ITGB3BP: variants seen among roughly 807,000 people sequenced by gnomAD.
ITGB3BP encodes the protein integrin subunit beta 3 binding protein.
In ITGB3BP, 27 loss-of-function variants were observed where a neutral mutation model predicts 29.1. That is an observed-to-expected ratio of 0.93 (90% confidence interval 0.68 to 1.28). The LOEUF (loss-of-function observed/expected upper bound fraction) is 1.28. Among genes scored for constraint, ITGB3BP ranks in the 50% most tolerant of loss-of-function variants. The pLI is 0.00. For synonymous variants in ITGB3BP, 61 were observed against 61.4 expected, an observed-to-expected ratio of 0.99 and a Z score of 0.03; for missense variants, 192 against 200.2, an observed-to-expected ratio of 0.96 and a Z score of 0.25.
At chr1:63,460,618 T>C (rs75618265) in intron 4 of ITGB3BP, among the ~76,000 whole-genome samples, 1,875 of 152,314 alleles carry the variant, frequency 0.012, 45 homozygotes, top group African/African-American at 0.043. Flanking sequence ...GGTATATAAA[T>C]ATCTGAGTCA....
At chr1:63,514,473 T>C (rs1478326371) in intron 1 of ITGB3BP, among the ~76,000 whole-genome samples, 3 of 152,182 alleles carry the variant, frequency 2.0e-5, no homozygotes, top group African/African-American at 7.2e-5. Flanking sequence ...TCTAGCAACA[T>C]GTTATGGTTC....
intron 4 of ITGB3BP, among the ~76,000 whole-genome samples, chr1:63,458,643 A>T (rs1644969218): frequency 6.6e-6 from 1 of 152,226 alleles, no homozygotes; most frequent in Non-Finnish European, 1.5e-5. Flanking sequence ...GCCTGAAAAA[A>T]TTTTTGATTT....
At chr1:63,464,394 G>A (rs543634328) in intron 4 of ITGB3BP, among the ~76,000 whole-genome samples, 1 of 152,294 alleles carries the variant, frequency 6.6e-6, no homozygotes, top group East Asian at 1.9e-4. Flanking sequence ...AAGCAAATGT[G>A]CAAATTTATT....
chr1:63,515,766 C>A (rs1646302704), intron 1 of ITGB3BP, among the ~76,000 whole-genome samples: 1 of 127,976 alleles, frequency 7.8e-6, no homozygotes. Flanking sequence ...GCGGAGGTTG[C>A]AGTGAGCCAA....
chr1:63,476,542 C>G (rs1232620889), intron 4 of ITGB3BP, among the ~76,000 whole-genome samples: 1 of 152,140 alleles, frequency 6.6e-6, no homozygotes, highest in African/African-American at 2.4e-5. Flanking sequence ...AACAATGATT[C>G]TTGCTCTTCC....
At chr1:63,493,425 C>A (rs1407404281) in intron 2 of ITGB3BP, among the ~76,000 whole-genome samples, 1 of 147,424 alleles carries the variant, frequency 6.8e-6, no homozygotes, top group Non-Finnish European at 1.5e-5. Context: ...AAAAAACAAA[C>A]AAACAAACAA....
intron 1 of ITGB3BP, among the ~76,000 whole-genome samples, 199 bp from the exon 2 acceptor site, chr1:63,508,769 G>C (rs1432747275): frequency 6.6e-6 from 1 of 151,660 alleles, no homozygotes; most frequent in African/African-American, 2.4e-5. Context: ...TCTCTAAATG[G>C]GATCATAATT....
At chr1:63,520,064 A>C (rs1303548926) in intron 1 of ITGB3BP, among the ~76,000 whole-genome samples, 2 of 152,158 alleles carry the variant, frequency 1.3e-5, no homozygotes, top group African/African-American at 4.8e-5. Flanking sequence ...GCAAGACTAA[A>C]CAAATGGTAC....
intron 2 of ITGB3BP, among the ~76,000 whole-genome samples, chr1:63,496,845 G>A (rs1162354218): frequency 6.6e-6 from 1 of 152,206 alleles, no homozygotes; most frequent in Non-Finnish European, 1.5e-5. Context: ...GAATAGGAAG[G>A]TGGTGCTGAA....
intron 2 of ITGB3BP, among the ~76,000 whole-genome samples, chr1:63,507,485 T>C (rs1183049374): frequency 6.6e-6 from 1 of 152,048 alleles, no homozygotes; most frequent in Non-Finnish European, 1.5e-5. Flanking sequence ...AGCTTTGGGG[T>C]AGGAAAGAAC....
At chr1:63,516,368 G>GC (rs1646326085) in intron 1 of ITGB3BP, among the ~76,000 whole-genome samples, 9 of 59,494 alleles carry the variant, frequency 1.5e-4, no homozygotes, top group Non-Finnish European at 3.3e-4. Context: ...GGGGGAGAAG[G>GC]GGGGGGGAAG....
At chr1:63,520,915 T>C (rs1417915426) in intron 1 of ITGB3BP, among the ~76,000 whole-genome samples, 1 of 152,230 alleles carries the variant, frequency 6.6e-6, no homozygotes. Context: ...ATAACAAATG[T>C]AGTCTCATAC....
intron 4 of ITGB3BP, chr1:63,457,062 C>T (rs1412389095): frequency 1.3e-5 from 2 of 152,064 alleles, no homozygotes; most frequent in Admixed American, 1.3e-4. Flanking sequence ...GTAGACATGC[C>T]ATTGCTCTTC....
At chr1:63,485,788 T>C (rs935409601) in intron 3 of ITGB3BP, among the ~76,000 whole-genome samples, 2 of 152,106 alleles carry the variant, frequency 1.3e-5, no homozygotes, top group Non-Finnish European at 2.9e-5. Flanking sequence ...TCTACTGATA[T>C]AGATAAGTTT....
chr1:63,461,121 G>C (rs1226294029), intron 4 of ITGB3BP, among the ~76,000 whole-genome samples: 1 of 151,268 alleles, frequency 6.6e-6, no homozygotes, highest in Non-Finnish European at 1.5e-5. Context: ...AGGCATGGTG[G>C]CGGGTGCCTG....
intron 4 of ITGB3BP, among the ~76,000 whole-genome samples, chr1:63,455,968 T>G (rs1570135563): frequency 1.3e-5 from 2 of 152,278 alleles, no homozygotes; most frequent in East Asian, 1.9e-4. Context: ...ATTTTATACT[T>G]TTTTCAAATC....
At chr1:63,481,033 G>A (rs1301493441) in intron 3 of ITGB3BP, among the ~76,000 whole-genome samples, 1 of 152,076 alleles carries the variant, frequency 6.6e-6, no homozygotes, top group Non-Finnish European at 1.5e-5. Context: ...TTTGTACTAT[G>A]CTGTTTGCAT....
intron 3 of ITGB3BP, among the ~76,000 whole-genome samples, chr1:63,482,649 A>ATTTT (rs34619742): frequency 3.9e-5 from 5 of 129,834 alleles, no homozygotes; most frequent in African/African-American, 1.5e-4. Context: ...AACAATGTTA[A>ATTTT]TTTTTTTTTT....
chr1:63,521,341 C>G (rs780025681), intron 1 of ITGB3BP, among the ~76,000 whole-genome samples: 1 of 151,578 alleles, frequency 6.6e-6, no homozygotes. Context: ...CATTACTTAA[C>G]TGTTGATTTA....
Sources: gnomAD v4.1 joint callset for allele counts (sites outside exome capture counted in the v4.1 genomes callset) on GRCh38, gnomAD v4.1.1 for gene constraint, MANE v1.5 for transcripts, NCBI Gene and HGNC (gene_info 2026-07-23, HGNC 2026-07-21) for gene names.